The following DNA2 variants were observed in gnomAD, a reference collection of about 807,000 sequenced individuals.
DNA2 encodes the protein DNA replication helicase/nuclease 2.
DNA2 carries 101 observed loss-of-function variants against 119.1 expected under a neutral mutation model. The observed-to-expected ratio is 0.85, with a 90% CI of 0.72 to 1.00. DNA2 has a LOEUF of 1.00. Among genes scored for constraint, DNA2 ranks in the 50% least tolerant of loss-of-function variants. The pLI, the probability that DNA2 is intolerant of heterozygous loss-of-function variation, is 0.00. For missense variants in DNA2, 1,121 were observed against 1,255.5 expected (o/e 0.89, Z 1.62); for synonymous variants, 366 against 424.4 (o/e 0.86, Z 1.69).
At chr10:68,466,625 C>T (rs989268816) in intron 3 of DNA2, among the ~76,000 whole-genome samples, 14 of 149,952 alleles carry the variant, frequency 9.3e-5, no homozygotes, top group African/African-American at 3.4e-4. Context: ...GTCACCCAGG[C>T]TGGAGTGCAG....
Position 68,419,091 on chromosome 10 carries a change from T to A in DNA2, c.2910A>T (p.Gln970His). 4.3e-6 allele frequency: 7 copies of A among 1,612,822 alleles called. No individual in the cohort carries two copies. The highest frequency in any genetic ancestry group is 5.9e-6 in the Non-Finnish European group (7 of 1,179,598). Residue 970 changes from glutamine to histidine, a missense_variant, in exon 19 of 21, where the codon CAA (glutamine) becomes CAT (histidine). Coordinates refer to ENST00000358410, the MANE Select transcript of DNA2 (RefSeq NM_001080449.3). ...MVEVNTVDKY[Q>H]GRDKSIVLVS... ...CTAGGACAATACTTTTGTCCCTTCC[T>A]TGGTATTTGTCTACTGTATTAACTT...
Position 68,446,719 on chromosome 10 carries a change from T to G in DNA2, c.940-306A>C, listed in dbSNP as rs10998174. Among the ~76,000 whole-genome samples, 19,748 of 152,018 alleles carry G rather than the reference T, an allele frequency of 0.13. 2,705 individuals are homozygous for G. The highest frequency in any genetic ancestry group is 0.35 in the African/African-American group (14,572 of 41,418). ...TAGTGAGACCAAGTGATAGTCATTA[T>G]GTTAAGCAAAAAAAGCCAGACACAG... On this transcript the variant is annotated intron_variant, in intron 6 of 20. Coordinates refer to ENST00000358410, the MANE Select transcript of DNA2 (RefSeq NM_001080449.3).
chr10:68,471,756 G>T (rs192015602), intron 1 of DNA2, 35 bp downstream of exon 1: 20,554 of 1,547,474 alleles, frequency 0.013, 186 homozygotes, highest in Middle Eastern at 0.043. Context: ...CAAATCTCCC[G>T]CTTTGTTCCC....
Position 68,419,038 on chromosome 10 carries a change from C to T in DNA2, c.2963G>A (p.Gly988Glu). Residue 988 changes from glycine to glutamate, a missense_variant, in exon 19 of 21, where the codon GGA (glycine) becomes GAA (glutamate). By Grantham distance (98) the Gly-to-Glu change is moderately conservative. Coordinates refer to ENST00000358410, the MANE Select transcript of DNA2 (RefSeq NM_001080449.3). ...LVSFVRSNKD[G>E]TVGELLKDWR... ...TAGCAAACACAATTAACTCACAGTTCCATCCTTATTACTTCTAACAAAAGA... is the reference window on the plus strand; with the variant it reads ...TAGCAAACACAATTAACTCACAGTTTCATCCTTATTACTTCTAACAAAAGA... The T allele has an allele frequency of 6.3e-7, 1 of 1,595,052 alleles. No individual in the cohort carries two copies. The highest frequency in any genetic ancestry group is 2.3e-5 in the East Asian group (1 of 44,372).
At chr10:68,438,963 G>A (rs747141740) in intron 9 of DNA2, among the ~76,000 whole-genome samples, 2 of 149,422 alleles carry the variant, frequency 1.3e-5, no homozygotes, top group Non-Finnish European at 3.0e-5. Context: ...AACCCGGGAG[G>A]TGGAGGTTGC....
chr10:68,448,436 A>G (rs1347282950), intron 6 of DNA2, among the ~76,000 whole-genome samples: 2 of 152,228 alleles, frequency 1.3e-5, no homozygotes, highest in Non-Finnish European at 2.9e-5. Flanking sequence ...TCAAAATTAA[A>G]AAGTCAAATC....
chr10:68,452,136 G>A (rs2052127159), intron 5 of DNA2, among the ~76,000 whole-genome samples: 1 of 152,060 alleles, frequency 6.6e-6, no homozygotes, highest in African/African-American at 2.4e-5. Flanking sequence ...GGGGTAGAGT[G>A]CAGTGGCATG....
At position 68,446,401 on chromosome 10, in the gene DNA2, T is replaced by G. The variant is rs767760753; in HGVS notation, c.952A>C (p.Thr318Pro). Residue 318 changes from threonine to proline, a missense_variant, in exon 7 of 21, where the codon ACT becomes CCT. By Grantham distance (38) the Thr-to-Pro change is conservative. Transcript: ENST00000358410. The part of the protein sequence containing the change: ...IEHRSQVVLY[T>P]LLSQERRADP... ...GCTCTTCTCTCTTGGCTTAGTAGAG[T>G]GTACAGAACAACCTGTGCAAACATT... 2 of 1,583,792 alleles carry G rather than the reference T, an allele frequency of 1.3e-6. No individual in the cohort carries two copies. The highest frequency in any genetic ancestry group is 3.6e-5 in the Admixed American group (2 of 55,316).
In DNA2 at chr10:68,416,813, T is replaced by C. The variant is rs1468842296; in HGVS notation, c.3010A>G (p.Ile1004Val). 1.2e-6 allele frequency: 2 copies of C among 1,613,448 alleles called. No homozygotes were observed. The highest frequency in any genetic ancestry group is 2.2e-5 in the South Asian group (2 of 91,002). Residue 1004 changes from isoleucine (I) to valine (V), a missense_variant, in exon 20 of 21, where the codon ATA becomes GTA. By Grantham distance (29) the Ile-to-Val change is conservative. Transcript: ENST00000358410. ...LKDWRRLNVAITRAKHKLILL... is the reference protein window; with the variant it reads ...LKDWRRLNVAVTRAKHKLILL... The stretch of plus-strand genomic sequence containing the variant: ...ATCAGTTTATGTTTGGCTCTGGTTA[T>C]AGCAACATTAAGACGTCGCCAATCT...
chr10:68,456,953 T>G (rs1432328672), intron 5 of DNA2, among the ~76,000 whole-genome samples: 3 of 151,008 alleles, frequency 2.0e-5, no homozygotes, highest in African/African-American at 7.3e-5. Flanking sequence ...GCTAACACGG[T>G]GAAACCCCGG....
intron 9 of DNA2, among the ~76,000 whole-genome samples, chr10:68,438,270 A>G (rs7085079): frequency 0.65 from 99,496 of 152,092 alleles, 34,031 homozygotes; most frequent in Non-Finnish European, 0.77. Context: ...CTGTAACCCT[A>G]GCATTTTCGG....
chr10:68,416,920 C>A, intron 19 of DNA2, 65 bp from the exon 20 acceptor site: 2 of 1,406,224 alleles, frequency 1.4e-6, no homozygotes, highest in Middle Eastern at 3.6e-4. Context: ...TACAACACAT[C>A]CCTACACAAT....
intron 10 of DNA2, among the ~76,000 whole-genome samples, chr10:68,432,966 C>G (rs2051841880): frequency 6.6e-6 from 1 of 152,124 alleles, no homozygotes; most frequent in Non-Finnish European, 1.5e-5. Context: ...GCTCCAGGGT[C>G]CCAGGCCCTC....
At chr10:68,472,005 C>T (rs1201899302), upstream of DNA2, 3 of 1,609,942 alleles carry the variant, frequency 1.9e-6, no homozygotes, top group African/African-American at 2.7e-5. Flanking sequence ...AAATGACCTG[C>T]GCCAGGCCGC....
chr10:68,448,962 T>TGCGCGC lies in DNA2; in HGVS notation c.939+1065_939+1066insGCGCGC, dbSNP rs1554907476. Among the ~76,000 whole-genome samples, 91 of 104,278 alleles carry TGCGCGC rather than the reference T, an allele frequency of 8.7e-4. 1 individual carries two copies. The highest frequency in any genetic ancestry group is 1.4e-3 in the Non-Finnish European group (72 of 49,870). The allele number at this position is 104,278 out of a possible 152,430, so 68.4% of individuals were successfully genotyped here. A position where few individuals can be genotyped will look rare whatever the true frequency, so the allele number is the denominator to read the frequency against. ...GTGTGTGTGTGTGTGTGTGTGTGTG[T>TGCGCGC]GTGTGCGTGTGTGTGTGTGTGTGTA... is the stretch of plus-strand genomic sequence containing the variant. On this transcript the variant is annotated intron_variant, in intron 6 of 20. Coordinates refer to ENST00000358410, the MANE Select transcript of DNA2 (RefSeq NM_001080449.3).
intron 10 of DNA2, among the ~76,000 whole-genome samples, chr10:68,432,958 T>C (rs1431172204): frequency 1.3e-5 from 2 of 152,112 alleles, no homozygotes; most frequent in Admixed American, 6.6e-5. Context: ...CATTGTTTGC[T>C]CCAGGGTCCC....
chr10:68,464,054 A>G (rs533962176), intron 4 of DNA2, among the ~76,000 whole-genome samples: 1 of 152,358 alleles, frequency 6.6e-6, no homozygotes, highest in African/African-American at 2.4e-5. Flanking sequence ...ACACATTTAG[A>G]GTACTGAAGA....
intron 8 of DNA2, among the ~76,000 whole-genome samples, chr10:68,444,720 C>A (rs1227201213): frequency 1.0e-5 from 1 of 96,470 alleles, no homozygotes; most frequent in East Asian, 2.5e-4. Context: ...GCAAAAAGTC[C>A]GTCTCAAAAA....
In DNA2 at chr10:68,465,707, C is replaced by T; in HGVS notation, c.547G>A (p.Ala183Thr). ...SFAPEKLQELAFQTIQEIRHL... is the reference protein window; with the variant it reads ...SFAPEKLQELTFQTIQEIRHL... ...CTTATTTCTTGAATTGTTTGAAAAG[C>T]AAGTTCTTGTAGCTTTTCTGGGGCA... is the stretch of plus-strand genomic sequence containing the variant. The change falls in exon 4 of 21, where the codon GCT (alanine) becomes ACT (threonine). Residue 183 changes from alanine to threonine, a missense_variant. By Grantham distance (58) the Ala-to-Thr change is moderately conservative (BLOSUM62 0). Coordinates refer to ENST00000358410, the MANE Select transcript of DNA2 (RefSeq NM_001080449.3). 2 of 1,605,694 alleles carry T rather than the reference C, an allele frequency of 1.2e-6. No homozygotes were observed. Among genetic ancestry groups the T allele is most frequent in the Non-Finnish European group, 8.5e-7 (1 of 1,176,680 alleles).
Sources: gnomAD v4.1 joint callset for allele counts (sites outside exome capture counted in the v4.1 genomes callset) on GRCh38, gnomAD v4.1.1 for gene constraint, MANE v1.5 for transcripts, NCBI Gene and HGNC (gene_info 2026-07-23, HGNC 2026-07-21) for gene names.